Variants in SDK2 observed in about 807,000 individuals in gnomAD.
SDK2 encodes sidekick cell adhesion molecule 2, also known as protein sidekick-2.
SDK2 carries 105 observed loss-of-function variants against 253.9 expected under a neutral mutation model. The observed-to-expected ratio is 0.41, with a 90% CI of 0.35 to 0.49. The LOEUF (loss-of-function observed/expected upper bound fraction) is 0.49. SDK2 is among the 20% of genes least tolerant of loss of function. SDK2 has a pLI of 0.06. For synonymous variants in SDK2, 1,249 were observed against 1,234.9 expected (o/e 1.01, Z -0.24); for missense variants, 2,608 against 3,003.0 (o/e 0.87, Z 3.07).
At chr17:73,423,582 G>T in intron 13 of SDK2, 60 bp from the exon 14 acceptor site, 1 of 1,455,356 alleles carries the variant, frequency 6.9e-7, no homozygotes, top group Non-Finnish European at 9.1e-7. Flanking sequence ...TGACGGGGGC[G>T]CTGTGGACAC....
rs75122991 is a variant in SDK2 at position 73,639,797 on chromosome 17, A to G, written c.64+4228T>C. Among the ~76,000 whole-genome samples, 14,426 of 152,064 alleles carry G rather than the reference A, an allele frequency of 0.095. 775 individuals are homozygous for G. The highest frequency in any genetic ancestry group is 0.14 in the African/African-American group (5,984 of 41,478). On this transcript the variant is annotated intron_variant, in intron 1 of 44. Transcript: ENST00000392650. This position sits in a 1 kb window ranked among gnomAD's most constrained non-coding sequence, Gnocchi z 4.3. ...TAGGAAAACCAGCTATAAGGGGACA[A>G]TTTCTTCATCAGCATAAAACATAGC...
intron 15 of SDK2, among the ~76,000 whole-genome samples, chr17:73,420,253 G>C (rs1360078903): frequency 1.3e-5 from 2 of 152,240 alleles, no homozygotes; most frequent in African/African-American, 4.8e-5. Flanking sequence ...CCAAACAAAA[G>C]TTAATTATTT....
rs373687820 is a variant in SDK2 at position 73,562,773 on chromosome 17, C to T, written c.65-55176G>A. ...CCAGCAAGGCATTCTGTGCGGAAGGCGCCACGGGCTGCTGGAAATGCCACG... is the reference window on the plus strand; with the variant it reads ...CCAGCAAGGCATTCTGTGCGGAAGGTGCCACGGGCTGCTGGAAATGCCACG... On this transcript the variant is annotated intron_variant, in intron 1 of 44. Coordinates refer to ENST00000392650, the MANE Select transcript of SDK2 (RefSeq NM_001144952.2). 1.2e-4 allele frequency among the ~76,000 whole-genome samples: 19 copies of T among 152,336 alleles called. No homozygotes were observed. The East Asian group carries it at 1.7e-3, about 14-fold the overall frequency.
At chr17:73,589,492 T>C (rs2045651994) in intron 1 of SDK2, among the ~76,000 whole-genome samples, 1 of 152,210 alleles carries the variant, frequency 6.6e-6, no homozygotes, top group African/African-American at 2.4e-5. Flanking sequence ...TGAATTCTGC[T>C]CCACCACTTC....
intron 10 of SDK2, among the ~76,000 whole-genome samples, chr17:73,432,961 A>T (rs973273032): frequency 6.6e-6 from 1 of 152,024 alleles, no homozygotes; most frequent in African/African-American, 2.4e-5. Context: ...GGCCTTAGGG[A>T]GGTGGCTTGG....
chr17:73,435,402 T>A lies in SDK2; in HGVS notation c.1195+48A>T. 1 of 1,514,168 alleles carries A rather than the reference T, an allele frequency of 6.6e-7. No individual in the cohort carries two copies. Among genetic ancestry groups the A allele is most frequent in the Non-Finnish European group, 8.9e-7 (1 of 1,121,096 alleles). The allele number at this position is 1,514,168 out of a possible 1,614,324, so 93.8% of individuals were successfully genotyped here. On this transcript the variant is annotated intron_variant, in intron 9 of 44. Transcript: ENST00000392650. This position sits in a 1 kb window ranked among gnomAD's most constrained non-coding sequence, Gnocchi z 5.7. The stretch of plus-strand genomic sequence containing the variant: ...CGGAAGACCTTGGAAGAAAGCTGCG[T>A]CCTGGGAAGAGGGGCTCACGGGCAG...
intron 38 of SDK2, among the ~76,000 whole-genome samples, chr17:73,362,830 C>T (rs1159595981): frequency 6.6e-6 from 1 of 152,238 alleles, no homozygotes; most frequent in Non-Finnish European, 1.5e-5. Context: ...GACTGCCAGC[C>T]TCCCTGGGAG....
intron 38 of SDK2, among the ~76,000 whole-genome samples, chr17:73,364,438 C>A (rs1322111302): frequency 6.6e-6 from 1 of 152,072 alleles, no homozygotes; most frequent in African/African-American, 2.4e-5. Flanking sequence ...GTGCAGGGAC[C>A]TCCTTGGTCT....
At chr17:73,434,146 GA>G (rs1042281595) in intron 9 of SDK2, among the ~76,000 whole-genome samples, 10 of 152,220 alleles carry the variant, frequency 6.6e-5, no homozygotes, top group Non-Finnish European at 1.0e-4. Context: ...AAGACCCCAG[GA>G]GGCAGCTCCC....
At chr17:73,413,956 C>T (rs1006174833) in intron 18 of SDK2, among the ~76,000 whole-genome samples, 1 of 152,142 alleles carries the variant, frequency 6.6e-6, no homozygotes, top group East Asian at 1.9e-4. Flanking sequence ...GAGCATGAAG[C>T]CCACAAGAGC....
At chr17:73,424,721 C>A (rs1383301357) in intron 12 of SDK2, among the ~76,000 whole-genome samples, 1 of 152,184 alleles carries the variant, frequency 6.6e-6, no homozygotes, top group Non-Finnish European at 1.5e-5. Flanking sequence ...GGGCAGGATG[C>A]CACACAATGA....
At chr17:73,515,326 G>T (rs2064016936) in intron 1 of SDK2, among the ~76,000 whole-genome samples, 1 of 152,186 alleles carries the variant, frequency 6.6e-6, no homozygotes, top group Non-Finnish European at 1.5e-5. Context: ...GACATTCAAG[G>T]AGGTTGGTGG....
rs147914991 is a variant in SDK2, at chr17:73,419,301, G to T, written c.2051C>A (p.Ser684Tyr). Residue 684 changes from serine (S) to tyrosine (Y), a missense_variant, in exon 16 of 45, where the codon TCC becomes TAC. Transcript: ENST00000392650. ...GGCCGTGGGGGGCTCCTCGGGGAGGGAGACCCTGGATCACAAAACACCAAT... is the reference window on the plus strand; with the variant it reads ...GGCCGTGGGGGGCTCCTCGGGGAGGTAGACCCTGGATCACAAAACACCAAT... Reference protein sequence around the residue: ...GQFSKDTERVSLPEEPPTAPP... With the variant: ...GQFSKDTERVYLPEEPPTAPP... The T allele has an allele frequency of 1.1e-4, 185 of 1,611,676 alleles. No individual in the cohort carries two copies. In the African/African-American group the frequency reaches 1.6e-3, roughly 14 times the overall value.
At chr17:73,436,576 CAAAAAAAAAAAAAAA>C (rs56089526) in intron 8 of SDK2, among the ~76,000 whole-genome samples, 3 of 38,842 alleles carry the variant, frequency 7.7e-5, no homozygotes, top group South Asian at 1.5e-3. Context: ...GACTCAGTCT[CAAAAAAAAAAAAAAA>C]AAAAAAAAAA....
rs543714312 is a variant in SDK2 at position 73,415,733 on chromosome 17, C to G, written c.2368+78G>C. On this transcript the variant is annotated intron_variant, in intron 17 of 44. Transcript: ENST00000392650. ...AAAACTCCTGGGCTTGAGCAATCCT[C>G]CCGTCTTGGCGTCCCAAAGTGCTAG... 6.9e-5 allele frequency: 90 copies of G among 1,297,350 alleles called. No individual in the cohort carries two copies. In the African/African-American group the frequency reaches 1.0e-3, roughly 15 times the overall value. 80.4% of individuals were successfully genotyped at this position (1,297,350 alleles called of 1,614,324 possible).
chr17:73,434,281 C>T (rs1051909091), intron 9 of SDK2, among the ~76,000 whole-genome samples: 1 of 152,248 alleles, frequency 6.6e-6, no homozygotes. Context: ...GGCCCTGCCC[C>T]AGGAGCTCCA....
At chr17:73,543,761 G>A (rs924580166) in intron 1 of SDK2, among the ~76,000 whole-genome samples, 11 of 152,218 alleles carry the variant, frequency 7.2e-5, no homozygotes, top group Admixed American at 5.9e-4. Flanking sequence ...GAGGCACAAG[G>A]GCCAGGCCCG....
chr17:73,365,160 G>A (rs1435618972), intron 38 of SDK2, 98 bp downstream of exon 38: 21 of 876,564 alleles, frequency 2.4e-5, no homozygotes, highest in East Asian at 8.8e-5. Context: ...GACTCTCACC[G>A]AATCTCACTC....
At chr17:73,557,878 G>A (rs908795489) in intron 1 of SDK2, among the ~76,000 whole-genome samples, 8 of 152,154 alleles carry the variant, frequency 5.3e-5, no homozygotes, top group African/African-American at 1.9e-4. Context: ...CCTCTACCAG[G>A]TAGTGATACG....
Sources: allele counts gnomAD v4.1 joint callset (sites outside exome capture counted in the v4.1 genomes callset), GRCh38; gene constraint gnomAD v4.1.1; non-coding constraint Gnocchi (gnomAD v3.1); transcripts MANE v1.5; gene names NCBI Gene and HGNC (gene_info 2026-07-23, HGNC 2026-07-21).